GPC5: variants seen among roughly 807,000 people sequenced by gnomAD.
GPC5 encodes glypican 5.
In GPC5, 47 loss-of-function variants were observed where a neutral mutation model predicts 53.9. The ratio of observed to expected loss-of-function variants is 0.87; its 90% confidence interval spans 0.69 to 1.11. The LOEUF (loss-of-function observed/expected upper bound fraction) is 1.11, where lower values mean the gene tolerates loss of function less well. Ranked by LOEUF, GPC5 falls within the 50% of genes most tolerant of loss-of-function variation. GPC5 has a pLI of 0.00. For synonymous variants in GPC5, 286 were observed against 263.3 expected (o/e 1.09, Z -0.84); for missense variants, 748 against 713.1 (o/e 1.05, Z -0.56).
At chr13:92,810,682 T>C (rs1877261211) in intron 7 of GPC5, among the ~76,000 whole-genome samples, 1 of 151,922 alleles carries the variant, frequency 6.6e-6, no homozygotes, top group African/African-American at 2.4e-5. Context: ...ATAAGTGGAA[T>C]CATACGCATT....
intron 7 of GPC5, among the ~76,000 whole-genome samples, chr13:92,624,191 C>T (rs778486160): frequency 6.6e-6 from 1 of 151,806 alleles, no homozygotes; most frequent in East Asian, 1.9e-4. Flanking sequence ...TGCCTTGGCC[C>T]CCCTAGTAGC....
intron 2 of GPC5, among the ~76,000 whole-genome samples, chr13:91,564,736 C>T (rs1289202279): frequency 6.6e-6 from 1 of 151,880 alleles, no homozygotes; most frequent in East Asian, 1.9e-4. Context: ...GAATTTTTTT[C>T]CAGGTATCAA....
At chr13:92,363,239 A>G (rs937019120) in intron 7 of GPC5, among the ~76,000 whole-genome samples, 2 of 151,722 alleles carry the variant, frequency 1.3e-5, no homozygotes, top group South Asian at 4.1e-4. Context: ...CACCAGCTAG[A>G]GTAAAAATCT....
intron 7 of GPC5, among the ~76,000 whole-genome samples, chr13:92,204,683 A>G (rs1294579342): frequency 6.6e-6 from 1 of 152,234 alleles, no homozygotes; most frequent in Admixed American, 6.5e-5. Context: ...TTTATCATAA[A>G]GAAAAGATAC....
intron 7 of GPC5, among the ~76,000 whole-genome samples, chr13:92,248,190 G>T (rs1320948929): frequency 2.3e-5 from 3 of 128,474 alleles, no homozygotes; most frequent in Non-Finnish European, 4.9e-5. Flanking sequence ...TAAAATAGAG[G>T]TATGGCCATA....
intron 7 of GPC5, among the ~76,000 whole-genome samples, chr13:92,699,359 T>C (rs1206528054): frequency 6.6e-6 from 1 of 152,098 alleles, no homozygotes; most frequent in African/African-American, 2.4e-5. Flanking sequence ...TCAATTGTGT[T>C]GATCTTTTCA....
intron 7 of GPC5, among the ~76,000 whole-genome samples, chr13:92,812,563 T>G (rs2148228): frequency 0.62 from 94,681 of 151,544 alleles, 30,415 homozygotes; most frequent in East Asian, 0.8. Flanking sequence ...TTTATGAATT[T>G]CCCACTTTCA....
intron 7 of GPC5, among the ~76,000 whole-genome samples, chr13:92,663,864 A>AC (rs1886466650): frequency 5.7e-4 from 3 of 5,242 alleles, no homozygotes; most frequent in African/African-American, 1.2e-3. Flanking sequence ...CACTATATAT[A>AC]TATATATATA....
intron 6 of GPC5, among the ~76,000 whole-genome samples, chr13:92,109,971 G>T (rs1410632861): frequency 6.6e-6 from 1 of 152,062 alleles, no homozygotes; most frequent in African/African-American, 2.4e-5. Flanking sequence ...GAATAAGGAA[G>T]CAGAGAAATG....
chr13:92,162,584 A>G (rs1466036639), intron 7 of GPC5, among the ~76,000 whole-genome samples: 1 of 152,198 alleles, frequency 6.6e-6, no homozygotes, highest in Admixed American at 6.5e-5. Context: ...CACTACAAAA[A>G]CGTGAAGCAG....
intron 5 of GPC5, among the ~76,000 whole-genome samples, chr13:91,831,006 C>T (rs1390362012): frequency 7.8e-6 from 1 of 128,890 alleles, no homozygotes; most frequent in Non-Finnish European, 1.6e-5. Context: ...TATATATATC[C>T]TATTATATAT....
At chr13:92,079,699 T>C (rs1354768535) in intron 6 of GPC5, among the ~76,000 whole-genome samples, 1 of 152,228 alleles carries the variant, frequency 6.6e-6, no homozygotes, top group African/African-American at 2.4e-5. Flanking sequence ...TCTTCCTCAG[T>C]CTTTTCCAGG....
chr13:92,292,247 T>C (rs2043001937), intron 7 of GPC5, among the ~76,000 whole-genome samples: 1 of 152,218 alleles, frequency 6.6e-6, no homozygotes, highest in Admixed American at 6.5e-5. Flanking sequence ...TTTAGTTCTT[T>C]AAGGAATCTC....
intron 7 of GPC5, among the ~76,000 whole-genome samples, chr13:92,354,805 G>A (rs2043508924): frequency 6.6e-6 from 1 of 152,070 alleles, no homozygotes; most frequent in South Asian, 2.1e-4. Context: ...CTCATGCAGA[G>A]GTCCTAGCCT....
chr13:92,500,807 T>G (rs1880154890), intron 7 of GPC5, among the ~76,000 whole-genome samples: 1 of 152,100 alleles, frequency 6.6e-6, no homozygotes, highest in Admixed American at 6.6e-5. Flanking sequence ...GCCTTAGATA[T>G]GGGTGCAGCT....
intron 7 of GPC5, among the ~76,000 whole-genome samples, chr13:92,510,304 T>A (rs1328591557): frequency 6.6e-6 from 1 of 152,160 alleles, no homozygotes; most frequent in Non-Finnish European, 1.5e-5. Flanking sequence ...AATAAATTAA[T>A]TTGAGGGATG....
At chr13:92,304,336 C>G (rs541195415) in intron 7 of GPC5, among the ~76,000 whole-genome samples, 2 of 152,082 alleles carry the variant, frequency 1.3e-5, no homozygotes, top group African/African-American at 4.8e-5. Flanking sequence ...TCCCAAGTAG[C>G]TGGGACTATA....
intron 5 of GPC5, among the ~76,000 whole-genome samples, chr13:91,861,207 A>G (rs2039024226): frequency 6.6e-6 from 1 of 152,220 alleles, no homozygotes; most frequent in African/African-American, 2.4e-5. Context: ...TGTAGTTTTT[A>G]TAAATGTCAA....
chr13:91,453,419 A>G (rs1386270312), intron 2 of GPC5, among the ~76,000 whole-genome samples: 3 of 152,048 alleles, frequency 2.0e-5, no homozygotes, highest in African/African-American at 7.2e-5. Flanking sequence ...TAATATTCAA[A>G]TATATTAATG....
Sources: gnomAD v4.1 joint callset for allele counts (sites outside exome capture counted in the v4.1 genomes callset) on GRCh38, gnomAD v4.1.1 for gene constraint, MANE v1.5 for transcripts, NCBI Gene and HGNC (gene_info 2026-07-23, HGNC 2026-07-21) for gene names.